The following CCSER1 variants were observed in gnomAD, a reference collection of about 807,000 sequenced individuals.
CCSER1 encodes coiled-coil serine rich protein 1.
In CCSER1, 41 loss-of-function variants were observed where a neutral mutation model predicts 82.0. The ratio of observed to expected loss-of-function variants is 0.50; its 90% CI spans 0.39 to 0.65. CCSER1 has a LOEUF of 0.65. Ranked by LOEUF, CCSER1 falls within the 30% of genes least tolerant of loss-of-function variation. The pLI is 0.00. For missense variants in CCSER1, 1,119 were observed against 1,064.2 expected (o/e 1.05, Z -0.72); for synonymous variants, 414 against 383.9 (o/e 1.08, Z -0.92).
chr4:90,951,840 A>G (rs1165133891), intron 9 of CCSER1, among the ~76,000 whole-genome samples: 1 of 152,074 alleles, frequency 6.6e-6, no homozygotes, highest in Admixed American at 6.6e-5. Context: ...AGGAGAGGAT[A>G]CTGAGGTGAT....
At chr4:90,226,510 A>T (rs1027884772) in intron 1 of CCSER1, among the ~76,000 whole-genome samples, 2 of 152,238 alleles carry the variant, frequency 1.3e-5, no homozygotes, top group Non-Finnish European at 2.9e-5. Flanking sequence ...TGCAGTTGGT[A>T]TAAGAAAATT....
rs1735197952 is a variant in CCSER1, at chr4:91,193,870, T to C, written c.2217+107876T>C. Among the ~76,000 whole-genome samples, 3 of 152,164 alleles carry C rather than the reference T, an allele frequency of 2.0e-5. No individual in the cohort carries two copies. The South Asian group carries it at 6.2e-4, about 31-fold the overall frequency. The stretch of plus-strand genomic sequence containing the variant: ...CCTGATGTCCCTTATGATTGCTATG[T>C]TTTGGGTAAGAGGGGTTTTAAAATT... On this transcript the variant is annotated intron_variant, in intron 10 of 10. Transcript: ENST00000509176.
chr4:91,087,032 G>T (rs1234771543), intron 10 of CCSER1, among the ~76,000 whole-genome samples: 1 of 152,032 alleles, frequency 6.6e-6, no homozygotes, highest in Non-Finnish European at 1.5e-5. Context: ...TCATCAGTAT[G>T]ACTGGGGAAA....
At chr4:91,386,385 T>C (rs536110580) in intron 10 of CCSER1, among the ~76,000 whole-genome samples, 1 of 152,180 alleles carries the variant, frequency 6.6e-6, no homozygotes, top group South Asian at 2.1e-4. Context: ...TCTATATTAG[T>C]ATTAAAGAGA....
chr4:91,574,989 G>A (rs1763374795), intron 10 of CCSER1, among the ~76,000 whole-genome samples: 1 of 151,924 alleles, frequency 6.6e-6, no homozygotes, highest in African/African-American at 2.4e-5. Context: ...TAGTAATCAA[G>A]ACAGTATTGT....
intron 1 of CCSER1, among the ~76,000 whole-genome samples, chr4:90,140,657 CTTTTTT>C (rs34194245): frequency 1.6e-5 from 1 of 63,602 alleles, no homozygotes; most frequent in African/African-American, 6.8e-5. Flanking sequence ...TTTTGGTCTA[CTTTTTT>C]TTTTTTTTTT....
chr4:91,297,397 G>A (rs1020312705), intron 10 of CCSER1, among the ~76,000 whole-genome samples: 55 of 149,238 alleles, frequency 3.7e-4, no homozygotes, highest in African/African-American at 1.1e-3. Context: ...GTGTGTGTGT[G>A]TGTGTGTGTG....
At chr4:90,790,514 A>T (rs11097264) in intron 7 of CCSER1, among the ~76,000 whole-genome samples, 1 of 151,806 alleles carries the variant, frequency 6.6e-6, no homozygotes, top group South Asian at 2.1e-4. Flanking sequence ...TTTATCTTTT[A>T]CTAATTCCTT....
At chr4:91,564,265 A>C (rs1392480196) in intron 10 of CCSER1, among the ~76,000 whole-genome samples, 2 of 151,814 alleles carry the variant, frequency 1.3e-5, no homozygotes, top group African/African-American at 4.8e-5. Context: ...TGGTGTATAT[A>C]GGCCACATTT....
chr4:91,474,836 CACAT>C (rs1757497340), intron 10 of CCSER1, among the ~76,000 whole-genome samples: 1 of 148,086 alleles, frequency 6.8e-6, no homozygotes, highest in South Asian at 2.2e-4. Flanking sequence ...CACACACACA[CACAT>C]TGCCTTCCAA....
intron 10 of CCSER1, among the ~76,000 whole-genome samples, chr4:91,497,228 C>T (rs934335239): frequency 1.3e-5 from 2 of 151,486 alleles, no homozygotes; most frequent in Non-Finnish European, 3.0e-5. Flanking sequence ...ATAGTTACCT[C>T]ATGAAGCGGT....
At chr4:90,665,158 T>C in intron 6 of CCSER1, among the ~76,000 whole-genome samples, 1 of 152,230 alleles carries the variant, frequency 6.6e-6, no homozygotes, top group South Asian at 2.1e-4. Flanking sequence ...TAGGATATAG[T>C]ATATCTATAG....
intron 10 of CCSER1, among the ~76,000 whole-genome samples, chr4:91,156,349 G>T (rs1037581526): frequency 2.0e-5 from 3 of 151,454 alleles, no homozygotes; most frequent in Admixed American, 6.6e-5. Flanking sequence ...ACCATCATTT[G>T]CTCTGTCCTT....
intron 10 of CCSER1, among the ~76,000 whole-genome samples, chr4:91,594,654 G>T (rs1390428362): frequency 6.6e-6 from 1 of 151,724 alleles, no homozygotes; most frequent in East Asian, 1.9e-4. Flanking sequence ...TAGAATTTTA[G>T]AATTGGAAAG....
intron 10 of CCSER1, among the ~76,000 whole-genome samples, chr4:91,303,440 A>G (rs186059198): frequency 6.6e-6 from 1 of 152,172 alleles, no homozygotes; most frequent in East Asian, 1.9e-4. Context: ...TAAATAAATT[A>G]TGAACTTTAG....
At chr4:90,919,034 G>A (rs553378633) in intron 8 of CCSER1, among the ~76,000 whole-genome samples, 1 of 140,390 alleles carries the variant, frequency 7.1e-6, no homozygotes, top group Non-Finnish European at 1.5e-5. Flanking sequence ...GTGGAATTGT[G>A]CTTTTACAGG....
At chr4:90,985,191 A>AT (rs1019495334) in intron 9 of CCSER1, among the ~76,000 whole-genome samples, 6 of 151,716 alleles carry the variant, frequency 4.0e-5, no homozygotes, top group South Asian at 2.1e-4. Context: ...TTTTGTTTGT[A>AT]TTTTTTGTAA....
chr4:90,188,020 T>C (rs1218819470), intron 1 of CCSER1, among the ~76,000 whole-genome samples: 1 of 151,946 alleles, frequency 6.6e-6, no homozygotes, highest in Non-Finnish European at 1.5e-5. Context: ...CTACCACGTA[T>C]ATTCATTGCC....
chr4:90,799,250 C>G (rs1021229311), intron 7 of CCSER1, among the ~76,000 whole-genome samples: 4 of 152,076 alleles, frequency 2.6e-5, no homozygotes, highest in Admixed American at 6.6e-5. Flanking sequence ...GTTCACTGTG[C>G]AGTATTAGCA....
Sources: allele counts gnomAD v4.1 joint callset (sites outside exome capture counted in the v4.1 genomes callset), GRCh38; gene constraint gnomAD v4.1.1; transcripts MANE v1.5; gene names NCBI Gene and HGNC (gene_info 2026-07-23, HGNC 2026-07-21).